XKR8: variants seen among roughly 807,000 people sequenced by gnomAD.
XKR8 encodes XK-related protein 8.
A neutral mutation model predicts 17.1 loss-of-function variants in XKR8; 10 were observed. That is an observed-to-expected ratio of 0.59 (90% CI 0.36 to 0.99). The LOEUF (loss-of-function observed/expected upper bound fraction) is 0.99. XKR8 is among the 50% of genes least tolerant of loss of function. The pLI is 0.01. For missense variants in XKR8, 411 were observed against 515.6 expected (o/e 0.80, Z 1.96); for synonymous variants, 213 against 251.9 (o/e 0.85, Z 1.46).
rs954777128 is a variant in XKR8, at chr1:27,965,738, C to T, written c.491-765C>T. ...TTCCAGGCTAGGAGTGGGTTCTGGG[C>T]GCCTAATAGGTTCCCAGTAAACATC... On this transcript the variant is annotated intron_variant, in intron 2 of 2. Coordinates refer to ENST00000373884, the MANE Select transcript of XKR8 (RefSeq NM_018053.4). The surrounding 1 kb of genome is among the most constrained non-coding windows in gnomAD (Gnocchi z 4.1). Among the ~76,000 whole-genome samples, 4 of 152,138 alleles carry T rather than the reference C, an allele frequency of 2.6e-5. No individual in the cohort carries two copies. The highest frequency in any genetic ancestry group is 9.7e-5 in the African/African-American group (4 of 41,408).
intron 2 of XKR8, among the ~76,000 whole-genome samples, chr1:27,964,897 C>G (rs1453583931): frequency 6.6e-6 from 1 of 152,178 alleles, no homozygotes; most frequent in East Asian, 1.9e-4. Context: ...GAAACCAGTC[C>G]TCACTCTACC....
Position 27,960,351 on chromosome 1 carries a change from T to C in XKR8, c.282T>C (p.Gly94=). 7.1e-7 allele frequency: 1 copy of C among 1,415,774 alleles called. No homozygotes were observed. The highest frequency in any genetic ancestry group is 9.2e-7 in the Non-Finnish European group (1 of 1,092,600). The allele number at this position is 1,415,774 out of a possible 1,614,324, so 87.7% of individuals were successfully genotyped here. ...CGCTGCTGCATCTCCTGCAGCTGGG[T>C]TACCTGTACAGGTGAGTGCTTCGCC... The part of the protein sequence containing the change: ...CLALLHLLQL[G]YLYRCVQELR... The change falls in exon 1 of 3, where the codon GGT becomes GGC. Residue 94 remains glycine, a synonymous_variant. Coordinates refer to ENST00000373884, the MANE Select transcript of XKR8 (RefSeq NM_018053.4). The surrounding 1 kb of genome is among the most constrained non-coding windows in gnomAD (Gnocchi z 5.9).
Position 27,966,424 on chromosome 1 carries a change from C to A in XKR8, c.491-79C>A. The A allele has an allele frequency of 7.1e-7, 1 of 1,409,924 alleles. No homozygotes were observed. Among genetic ancestry groups the A allele is most frequent in the Non-Finnish European group, 9.7e-7 (1 of 1,029,940 alleles). The allele number at this position is 1,409,924 out of a possible 1,614,324, so 87.3% of individuals were successfully genotyped here. ...ACCTACCCCAGGGTTGCTGGGAGGG[C>A]CCCCACGGTACCTGTGACCGCTGGG... On this transcript the variant is annotated intron_variant, in intron 2 of 2. Transcript: ENST00000373884. The surrounding 1 kb of genome is among the most constrained non-coding windows in gnomAD (Gnocchi z 4.3).
Position 27,966,586 on chromosome 1 carries a change from A to G in XKR8, c.574A>G (p.Lys192Glu). 1 of 1,613,888 alleles carries G rather than the reference A, an allele frequency of 6.2e-7. No individual in the cohort carries two copies. Among genetic ancestry groups the G allele is most frequent in the Middle Eastern group, 1.6e-4 (1 of 6,062 alleles). Residue 192 changes from lysine (K) to glutamate (E), a missense_variant, in exon 3 of 3, where the codon AAG (lysine) becomes GAG (glutamate). Coordinates refer to ENST00000373884, the MANE Select transcript of XKR8 (RefSeq NM_018053.4). This position sits in a 1 kb window ranked among gnomAD's most constrained non-coding sequence, Gnocchi z 4.3. Reference protein sequence around the residue: ...HRALRTCLPSKPLLGLGSSVI... With the variant: ...HRALRTCLPSEPLLGLGSSVI... ...GGCCTTGCGCACCTGCCTCCCCTCC[A>G]AGCCGCTCCTGGGCCTGGGCTCCTC...
Position 27,960,378 on chromosome 1 carries a change from C to A in XKR8, c.293+16C>A. The A allele has an allele frequency of 7.4e-7, 1 of 1,360,362 alleles. No homozygotes were observed. The highest frequency in any genetic ancestry group is 3.7e-5 in the Admixed American group (1 of 26,778). 84.3% of individuals were successfully genotyped at this position (1,360,362 alleles called of 1,614,324 possible). ...ACCTGTACAGGTGAGTGCTTCGCCC[C>A]GGGAGGGGAGGAGTGTCGGAGCCCA... On this transcript the variant is annotated intron_variant, in intron 1 of 2. Coordinates refer to ENST00000373884, the MANE Select transcript of XKR8 (RefSeq NM_018053.4). This position sits in a 1 kb window ranked among gnomAD's most constrained non-coding sequence, Gnocchi z 5.9.
chr1:27,962,813 A>C (rs1638494374), intron 1 of XKR8, among the ~76,000 whole-genome samples: 1 of 152,000 alleles, frequency 6.6e-6, no homozygotes, highest in South Asian at 2.1e-4. Flanking sequence ...GGGTGGTCTC[A>C]AACTCCTGGC....
chr1:27,963,414 T>G, intron 1 of XKR8, 83 bp from the exon 2 acceptor site: 1 of 1,474,426 alleles, frequency 6.8e-7, no homozygotes, highest in Non-Finnish European at 9.1e-7. Context: ...TTGGAGCCTG[T>G]GTCCACTCAT....
At position 27,966,917 on chromosome 1, in the gene XKR8, C is replaced by A; in HGVS notation, c.905C>A (p.Thr302Asn). ...LLSDSILLVA[T>N]WVTHSSWLPS... ...AGTGACAGCATTCTCCTGGTGGCCA[C>A]CTGGGTGACTCATAGCTCCTGGCTG... is the stretch of plus-strand genomic sequence containing the variant. Residue 302 changes from threonine to asparagine, a missense_variant, in exon 3 of 3, where the codon ACC becomes AAC. Physicochemically the swap from Thr to Asn is moderately conservative, Grantham distance 65 (BLOSUM62 0). Transcript: ENST00000373884. This position sits in a 1 kb window ranked among gnomAD's most constrained non-coding sequence, Gnocchi z 4.3. The A allele has an allele frequency of 6.2e-7, 1 of 1,614,218 alleles. No homozygotes were observed. Among genetic ancestry groups the A allele is most frequent in the Non-Finnish European group, 8.5e-7 (1 of 1,180,040 alleles).
At position 27,966,899 on chromosome 1, in the gene XKR8, G is replaced by A. The variant is rs1392344372; in HGVS notation, c.887G>A (p.Ser296Asn). ...IIHFAFLLSDSILLVATWVTH... is the reference protein window; with the variant it reads ...IIHFAFLLSDNILLVATWVTH... ...CACTTCGCCTTCCTCCTGAGTGACA[G>A]CATTCTCCTGGTGGCCACCTGGGTG... Residue 296 changes from serine to asparagine, a missense_variant, in exon 3 of 3, where the codon AGC becomes AAC. Physicochemically the swap from Ser to Asn is conservative, Grantham distance 46. Coordinates refer to ENST00000373884, the MANE Select transcript of XKR8 (RefSeq NM_018053.4). This position sits in a 1 kb window ranked among gnomAD's most constrained non-coding sequence, Gnocchi z 4.3. 14 of 1,614,204 alleles carry A rather than the reference G, an allele frequency of 8.7e-6. No homozygotes were observed. Among genetic ancestry groups the A allele is most frequent in the Non-Finnish European group, 1.2e-5 (14 of 1,180,036 alleles).
chr1:27,967,507 T>G lies in XKR8; in HGVS notation c.*307T>G, dbSNP rs531864744. Reference sequence around the variant, plus strand: ...CTTTTCCCCCTGCCATTGGTATAGCTGGTGCCCCAAAACTTCCACCTCCCT... The same window carrying G: ...CTTTTCCCCCTGCCATTGGTATAGCGGGTGCCCCAAAACTTCCACCTCCCT... On this transcript the variant is annotated 3_prime_UTR_variant, in exon 3 of 3. Transcript: ENST00000373884. The surrounding 1 kb of genome is among the most constrained non-coding windows in gnomAD (Gnocchi z 4.3). The G allele has an allele frequency of 1.9e-5, 4 of 214,618 alleles. No homozygotes were observed. The highest frequency in any genetic ancestry group is 3.7e-5 in the Non-Finnish European group (4 of 107,412). 13.3% of individuals were successfully genotyped at this position (214,618 alleles called of 1,614,324 possible). A position where few individuals can be genotyped will look rare whatever the true frequency, so the allele number is the denominator to read the frequency against.
In XKR8 at chr1:27,966,796, C is replaced by A. The variant is rs757512434; in HGVS notation, c.784C>A (p.Arg262=). The change falls in exon 3 of 3, where the codon CGG becomes AGG. Residue 262 remains arginine (R), a synonymous_variant. Transcript: ENST00000373884. The surrounding 1 kb of genome is among the most constrained non-coding windows in gnomAD (Gnocchi z 4.3). The part of the protein sequence containing the change: ...MPDPSSEWLY[R]VTVATILYFS... Reference sequence around the variant, plus strand: ...GGACCCCAGCTCCGAGTGGCTGTACCGGGTGACGGTGGCCACCATCCTCTA... The same window carrying A: ...GGACCCCAGCTCCGAGTGGCTGTACAGGGTGACGGTGGCCACCATCCTCTA... 1 of 1,613,646 alleles carries A rather than the reference C, an allele frequency of 6.2e-7. No homozygotes were observed. The highest frequency in any genetic ancestry group is 2.2e-5 in the East Asian group (1 of 44,876).
Position 27,967,136 on chromosome 1 carries a change from C to A in XKR8, c.1124C>A (p.Thr375Asn). 1 of 1,605,330 alleles carries A rather than the reference C, an allele frequency of 6.2e-7. No homozygotes were observed. The highest frequency in any genetic ancestry group is 8.5e-7 in the Non-Finnish European group (1 of 1,174,662). Residue 375 changes from threonine (T) to asparagine (N), a missense_variant, in exon 3 of 3, where the codon ACC becomes AAC. Transcript: ENST00000373884. The surrounding 1 kb of genome is among the most constrained non-coding windows in gnomAD (Gnocchi z 4.3). ...GYQLPQNRRM[T>N]HLAQKFFPKA... is the part of the protein sequence containing the mutation. ...CAGCTGCCTCAGAACAGGCGCATGACCCATTTAGCACAGAAGTTTTTCCCC... is the reference window on the plus strand; with the variant it reads ...CAGCTGCCTCAGAACAGGCGCATGAACCATTTAGCACAGAAGTTTTTCCCC...
In XKR8 at chr1:27,960,593, C is replaced by T. The variant is rs954155332; in HGVS notation, c.293+231C>T. 2.6e-5 allele frequency among the ~76,000 whole-genome samples: 4 copies of T among 152,180 alleles called. No homozygotes were observed. The highest frequency in any genetic ancestry group is 5.9e-5 in the Non-Finnish European group (4 of 68,038). The stretch of plus-strand genomic sequence containing the variant: ...CTGGCACAGGCGAAGAAACTGAGGC[C>T]CAGGGAAGAAAGGGAGGCGCATGGG... On this transcript the variant is annotated intron_variant, in intron 1 of 2. Transcript: ENST00000373884. This position sits in a 1 kb window ranked among gnomAD's most constrained non-coding sequence, Gnocchi z 5.9.
Position 27,966,640 on chromosome 1 carries a change from C to T in XKR8, c.628C>T (p.Leu210=), listed in dbSNP as rs761690277. Residue 210 remains leucine, a synonymous_variant, in exon 3 of 3, where the codon CTG becomes TTG. Transcript: ENST00000373884. This position sits in a 1 kb window ranked among gnomAD's most constrained non-coding sequence, Gnocchi z 4.3. ...GATCTACTTCCTGTGGAACCTGCTG[C>T]TGCTGTGGCCCCGAGTCCTGGCTGT... is the stretch of plus-strand genomic sequence containing the variant. The part of the protein sequence containing the change: ...SVIYFLWNLL[L]LWPRVLAVAL... 2 of 1,614,168 alleles carry T rather than the reference C, an allele frequency of 1.2e-6. No individual in the cohort carries two copies. Among genetic ancestry groups the T allele is most frequent in the Non-Finnish European group, 8.5e-7 (1 of 1,180,024 alleles).
At chr1:27,962,784 G>T (rs1638494077) in intron 1 of XKR8, among the ~76,000 whole-genome samples, 1 of 152,022 alleles carries the variant, frequency 6.6e-6, no homozygotes, top group African/African-American at 2.4e-5. Context: ...TGTAGAGATG[G>T]GGCTTGCTGT....
chr1:27,963,759 CT>C, intron 2 of XKR8, 66 bp downstream of exon 2: 6 of 1,422,578 alleles, frequency 4.2e-6, no homozygotes, highest in Non-Finnish European at 5.6e-6. Flanking sequence ...AATGTTGGAA[CT>C]GTTTTTAGTC....
Position 27,967,919 on chromosome 1 carries a change from G to A in XKR8, c.*719G>A, listed in dbSNP as rs1182843980. 2.0e-5 allele frequency: 3 copies of A among 152,668 alleles called. 1 individual carries two copies. The highest frequency in any genetic ancestry group is 4.4e-5 in the Non-Finnish European group (3 of 68,054). 9.5% of individuals were successfully genotyped at this position (152,668 alleles called of 1,614,324 possible). A position where few individuals can be genotyped will look rare whatever the true frequency, so the allele number is the denominator to read the frequency against. ...TGCTTTTCAACCAAGAGCCTTGTGA[G>A]CCTGGTCTGAGCCTTGCACAGCCAC... On this transcript the variant is annotated 3_prime_UTR_variant, in exon 3 of 3. Coordinates refer to ENST00000373884, the MANE Select transcript of XKR8 (RefSeq NM_018053.4). This position sits in a 1 kb window ranked among gnomAD's most constrained non-coding sequence, Gnocchi z 4.3.
chr1:27,961,754 C>T (rs1638473679), intron 1 of XKR8, among the ~76,000 whole-genome samples: 1 of 152,208 alleles, frequency 6.6e-6, no homozygotes. Flanking sequence ...GTCCTGCCTG[C>T]CTGCTCCTCA....
chr1:27,963,027 C>T (rs6598915), intron 1 of XKR8, among the ~76,000 whole-genome samples: 140,815 of 152,194 alleles, frequency 0.93, 65,755 homozygotes, highest in East Asian at 1. Flanking sequence ...CCCATTTTTG[C>T]TTTTTTGTTT....
Sources: allele counts gnomAD v4.1 joint callset (sites outside exome capture counted in the v4.1 genomes callset), GRCh38; gene constraint gnomAD v4.1.1; non-coding constraint Gnocchi (gnomAD v3.1); transcripts MANE v1.5; gene names NCBI Gene and HGNC (gene_info 2026-07-23, HGNC 2026-07-21).